The following SV2C variants were observed in gnomAD, a reference collection of about 807,000 sequenced individuals.
SV2C encodes the protein synaptic vesicle glycoprotein 2C.
In SV2C, 49 loss-of-function variants were observed where a neutral mutation model predicts 79.7. That is an observed-to-expected ratio of 0.61 (90% confidence interval 0.49 to 0.78). The LOEUF (loss-of-function observed/expected upper bound fraction) is 0.78, where lower values mean the gene tolerates loss of function less well. Among genes scored for constraint, SV2C ranks in the 30% least tolerant of loss-of-function variants. The probability of loss-of-function intolerance (pLI) is 0.00; values close to 1 mark genes in which losing one functional copy is unlikely to be tolerated. For missense variants in SV2C, 833 were observed against 912.9 expected (o/e 0.91, Z 1.13); for synonymous variants, 334 against 333.2 (o/e 1.00, Z -0.03).
intron 6 of SV2C, 68 bp downstream of exon 6, chr5:76,285,938 T>A: frequency 6.8e-7 from 1 of 1,470,534 alleles, no homozygotes; most frequent in South Asian, 1.2e-5. Flanking sequence ...AGGGAAAAAT[T>A]GTAAATATTT....
the SV2C span, among the ~76,000 whole-genome samples, chr5:75,905,392 T>G: frequency 6.6e-6 from 1 of 152,224 alleles, no homozygotes; most frequent in Non-Finnish European, 1.5e-5. Flanking sequence ...GAAAGCAGTT[T>G]GATTAATATA....
the SV2C span, among the ~76,000 whole-genome samples, chr5:75,863,182 C>T: frequency 6.6e-6 from 1 of 152,140 alleles, no homozygotes; most frequent in East Asian, 1.9e-4. Context: ...TGGCTGATTT[C>T]ATGCTACCAA....
chr5:75,870,084 T>A, the SV2C span, among the ~76,000 whole-genome samples: 1 of 152,004 alleles, frequency 6.6e-6, no homozygotes. Flanking sequence ...ATGTAACTCT[T>A]CCATGCCCAG....
intron 4 of SV2C, among the ~76,000 whole-genome samples, chr5:76,220,237 G>A (rs1318159081): frequency 2.0e-5 from 3 of 152,224 alleles, no homozygotes. Context: ...ACAACATCTA[G>A]TGACAGGGCT....
the SV2C span, among the ~76,000 whole-genome samples, chr5:76,068,723 A>T: frequency 1.3e-5 from 2 of 152,238 alleles, no homozygotes; most frequent in Admixed American, 1.3e-4. Flanking sequence ...GTTTTACCAA[A>T]AGCTATATAA....
chr5:76,045,033 G>T, the SV2C span, among the ~76,000 whole-genome samples: 1 of 152,020 alleles, frequency 6.6e-6, no homozygotes, highest in East Asian at 1.9e-4. Flanking sequence ...TTTTTCTAGG[G>T]TTATAGTTTT....
intron 1 of SV2C, among the ~76,000 whole-genome samples, chr5:76,085,021 A>G (rs1037284799): frequency 7.2e-5 from 11 of 152,228 alleles, no homozygotes; most frequent in African/African-American, 2.7e-4. Flanking sequence ...GGATGCCGTG[A>G]TGGTCTCCTC....
chr5:75,983,300 G>A, the SV2C span, among the ~76,000 whole-genome samples: 1 of 152,096 alleles, frequency 6.6e-6, no homozygotes, highest in East Asian at 1.9e-4. Flanking sequence ...CCGAAGAGCA[G>A]CTGTCAGAAA....
chr5:76,157,746 T>C (rs1240348672), intron 2 of SV2C, among the ~76,000 whole-genome samples: 1 of 151,834 alleles, frequency 6.6e-6, no homozygotes, highest in Non-Finnish European at 1.5e-5. Context: ...AAAGTTAACA[T>C]AACAAAAGAT....
intron 4 of SV2C, chr5:76,280,974 G>T (rs1747172901): frequency 3.7e-6 from 2 of 537,586 alleles, no homozygotes; most frequent in Non-Finnish European, 7.6e-6. Context: ...TGGTGATGCG[G>T]CCCAACAGGA....
the SV2C span, among the ~76,000 whole-genome samples, chr5:75,926,940 C>G: frequency 1.3e-5 from 2 of 152,204 alleles, no homozygotes; most frequent in Non-Finnish European, 2.9e-5. Flanking sequence ...GAAACCACTT[C>G]TCAAGTTTGA....
the SV2C span, among the ~76,000 whole-genome samples, chr5:75,888,422 A>G: frequency 6.6e-6 from 1 of 151,520 alleles, no homozygotes; most frequent in East Asian, 1.9e-4. Flanking sequence ...ACCCAACCTC[A>G]TTTCACGTCA....
intron 4 of SV2C, among the ~76,000 whole-genome samples, chr5:76,228,682 AG>A (rs1277562646): frequency 3.3e-5 from 5 of 152,242 alleles, no homozygotes. Context: ...CTTTGGTGTC[AG>A]TAGCATCCTG....
At chr5:76,030,742 A>G in the SV2C span, among the ~76,000 whole-genome samples, 1 of 151,810 alleles carries the variant, frequency 6.6e-6, no homozygotes, top group African/African-American at 2.4e-5. Context: ...AGCCTGGGCA[A>G]CAGAGTGGGA....
chr5:76,291,423 A>T, intron 7 of SV2C, 92 bp downstream of exon 7: 1 of 1,035,418 alleles, frequency 9.7e-7, no homozygotes. Flanking sequence ...CCTATGAGCG[A>T]GGTTCTTTCC....
rs143998842 is a variant in SV2C at position 76,131,802 on chromosome 5, A to G, written c.52A>G (p.Ile18Val). ...RTSLMKGAKD[I>V]AREVKKQTVK... The stretch of plus-strand genomic sequence containing the variant: ...TTCACTGATGAAGGGTGCCAAGGAC[A>G]TTGCCAGAGAGGTGAAGAAACAAAC... Residue 18 changes from isoleucine to valine, a missense_variant, in exon 2 of 13, where the codon ATT (isoleucine) becomes GTT (valine). Ile to Val is a conservative substitution (Grantham distance 29). Transcript: ENST00000502798. 1 of 1,614,056 alleles carries G rather than the reference A, an allele frequency of 6.2e-7. No individual in the cohort carries two copies. Among genetic ancestry groups the G allele is most frequent in the Admixed American group, 1.7e-5 (1 of 60,018 alleles).
chr5:75,895,999 A>G, the SV2C span, among the ~76,000 whole-genome samples: 2 of 152,248 alleles, frequency 1.3e-5, no homozygotes, highest in African/African-American at 2.4e-5. Flanking sequence ...CAAAATGCAC[A>G]TACATAATTT....
At position 76,209,808 on chromosome 5, in the gene SV2C, C is replaced by T; in HGVS notation, c.834C>T (p.His278=). The T allele has an allele frequency of 6.2e-7, 1 of 1,614,244 alleles. No individual in the cohort carries two copies. The highest frequency in any genetic ancestry group is 1.1e-5 in the South Asian group (1 of 91,080). The change falls in exon 4 of 13, where the codon CAC becomes CAT. Residue 278 remains histidine, a synonymous_variant. Coordinates refer to ENST00000502798, the MANE Select transcript of SV2C (RefSeq NM_014979.4). ...EVLAREKRGE[H]LSWLCMFWMI... The stretch of plus-strand genomic sequence containing the variant: ...TGGCCCGGGAAAAGCGGGGCGAACA[C>T]TTGAGCTGGCTCTGCATGTTCTGGA...
rs1189707174 is a variant in SV2C at position 76,124,926 on chromosome 5, A to G, written c.-101-6724A>G. The stretch of plus-strand genomic sequence containing the variant: ...TTCAAGTATTTCTTCAAAGAAGGAT[A>G]GTGCCCACTTTGACTCACTTGAGGA... On this transcript the variant is annotated intron_variant, in intron 1 of 12. Transcript: ENST00000502798. Among the ~76,000 whole-genome samples, 5 of 152,330 alleles carry G rather than the reference A, an allele frequency of 3.3e-5. No homozygotes were observed. In the East Asian group the frequency reaches 7.7e-4, roughly 23 times the overall value.
Sources: gnomAD v4.1 joint callset for allele counts (sites outside exome capture counted in the v4.1 genomes callset) on GRCh38, gnomAD v4.1.1 for gene constraint, MANE v1.5 for transcripts, NCBI Gene and HGNC (gene_info 2026-07-23, HGNC 2026-07-21) for gene names.